The following DCAF8 variants were observed in gnomAD, a reference collection of about 807,000 sequenced individuals.
DCAF8 encodes the protein DDB1- and CUL4-associated factor 8.
DCAF8 carries 20 observed loss-of-function variants against 68.0 expected under a neutral mutation model. The ratio of observed to expected loss-of-function variants is 0.29; its 90% CI spans 0.21 to 0.43. The LOEUF is 0.43. DCAF8 is among the 20% of genes least tolerant of loss of function. The pLI is 1.00. For missense variants in DCAF8, 460 were observed against 771.0 expected (o/e 0.60, Z 4.78); for synonymous variants, 230 against 276.9 (o/e 0.83, Z 1.68).
chr1:160,252,910 C>G (rs373595833), intron 2 of DCAF8, among the ~76,000 whole-genome samples: 1 of 151,848 alleles, frequency 6.6e-6, no homozygotes, highest in Non-Finnish European at 1.5e-5. Context: ...AAATCCAAGC[C>G]GACATGTTAG....
At chr1:160,247,828 A>G (rs1247802114) in intron 2 of DCAF8, among the ~76,000 whole-genome samples, 1 of 152,212 alleles carries the variant, frequency 6.6e-6, no homozygotes, top group Non-Finnish European at 1.5e-5. Context: ...CAATCCATAC[A>G]TTGTACAATA....
chr1:160,217,644 T>C lies in DCAF8; in HGVS notation c.1742A>G (p.Asp581Gly). 5 of 1,614,138 alleles carry C rather than the reference T, an allele frequency of 3.1e-6. No individual in the cohort carries two copies. The highest frequency in any genetic ancestry group is 3.4e-6 in the Non-Finnish European group (4 of 1,180,026). Residue 581 changes from aspartate to glycine, a missense_variant, in exon 14 of 14, where the codon GAC (aspartate) becomes GGC (glycine). By Grantham distance (94) the Asp-to-Gly change is moderately conservative. Coordinates refer to ENST00000368074, the MANE Select transcript of DCAF8 (RefSeq NM_015726.4). ...AGGGCCCTCCTCCTCGTCCGATGTG[T>C]CTGAGGAGCTGGGAGACTCATCAGA... ...ADSDESPSSS[D>G]TSDEEEGPDR... is the part of the protein sequence containing the mutation.
At position 160,218,983 on chromosome 1, in the gene DCAF8, A is replaced by T. The variant is rs747821635; in HGVS notation, c.1441-15T>A. ...AGACAGTTTACCTGGTCAGGAAGAAAGGAAAACACAGACTCAGCAGTGTGT... is the reference window on the plus strand; with the variant it reads ...AGACAGTTTACCTGGTCAGGAAGAATGGAAAACACAGACTCAGCAGTGTGT... On this transcript the variant is annotated splice_polypyrimidine_tract_variant and intron_variant, in intron 11 of 13. Coordinates refer to ENST00000368074, the MANE Select transcript of DCAF8 (RefSeq NM_015726.4). The T allele has an allele frequency of 4.3e-6, 7 of 1,613,812 alleles. No homozygotes were observed. Among genetic ancestry groups the T allele is most frequent in the Admixed American group, 1.7e-5 (1 of 59,942 alleles).
chr1:160,254,191 G>A (rs1656729534), intron 2 of DCAF8, among the ~76,000 whole-genome samples: 1 of 152,002 alleles, frequency 6.6e-6, no homozygotes, highest in Admixed American at 6.5e-5. Flanking sequence ...GTATGGTGGT[G>A]CATGCCTGTA....
intron 2 of DCAF8, among the ~76,000 whole-genome samples, chr1:160,260,493 T>C (rs904895348): frequency 2.6e-5 from 4 of 152,148 alleles, no homozygotes; most frequent in African/African-American, 4.8e-5. Flanking sequence ...CATAAAGATA[T>C]TAGGAATTGG....
rs138332814 is a variant in DCAF8 at position 160,256,573 on chromosome 1, G to A, written c.-27+4712C>T. Among the ~76,000 whole-genome samples the A allele has an allele frequency of 4.1e-4, 61 of 150,202 alleles. No individual in the cohort carries two copies. The East Asian group carries it at 0.011, about 28-fold the overall frequency. On this transcript the variant is annotated intron_variant, in intron 2 of 13. Transcript: ENST00000368074. ...TTTCCAGATGGCTAAGAAAAAGCCA[G>A]GAAGAAAAAAAAAAATGGCACGTGA...
At chr1:160,247,562 T>C (rs1452106107) in intron 2 of DCAF8, among the ~76,000 whole-genome samples, 3 of 152,334 alleles carry the variant, frequency 2.0e-5, no homozygotes, top group East Asian at 3.9e-4. Flanking sequence ...GTCCGGTGTA[T>C]CCTCTTACCC....
At chr1:160,262,087 C>T (rs1657117926) in intron 1 of DCAF8, 2 of 364,446 alleles carry the variant, frequency 5.5e-6, no homozygotes, top group East Asian at 7.9e-5. Context: ...AACTGTGCGG[C>T]TGGCTCTTGG....
At chr1:160,232,635 T>C (rs914555708) in intron 6 of DCAF8, among the ~76,000 whole-genome samples, 9 of 149,384 alleles carry the variant, frequency 6.0e-5, no homozygotes, top group Non-Finnish European at 8.9e-5. Flanking sequence ...AGGGAGACTC[T>C]GTCTCAAAAA....
chr1:160,218,398 G>A lies in DCAF8; in HGVS notation c.1603C>T (p.His535Tyr), dbSNP rs770166441. Residue 535 changes from histidine to tyrosine, a missense_variant, in exon 13 of 14, where the codon CAC (histidine) becomes TAC (tyrosine). His to Tyr is a moderately conservative substitution (Grantham distance 83, BLOSUM62 2). Transcript: ENST00000368074. ...NKRERDEDSL[H>Y]QTDLFDSHML... is the part of the protein sequence containing the mutation. ...TGACTATCAAACAGGTCAGTTTGGTGCAAGCTATCTTCATCCCGCTCCCGC... is the reference window on the plus strand; with the variant it reads ...TGACTATCAAACAGGTCAGTTTGGTACAAGCTATCTTCATCCCGCTCCCGC... The A allele has an allele frequency of 1.9e-6, 3 of 1,614,092 alleles. No individual in the cohort carries two copies. Among genetic ancestry groups the A allele is most frequent in the Non-Finnish European group, 2.5e-6 (3 of 1,180,042 alleles).
At chr1:160,222,600 T>G (rs1489549344) in intron 11 of DCAF8, 51 bp downstream of exon 11, 1 of 1,606,602 alleles carries the variant, frequency 6.2e-7, no homozygotes, top group Non-Finnish European at 8.5e-7. Context: ...AAAACCTACC[T>G]TAATGACTGG....
intron 2 of DCAF8, among the ~76,000 whole-genome samples, chr1:160,256,205 T>A (rs1310193227): frequency 6.6e-6 from 1 of 151,980 alleles, no homozygotes; most frequent in Non-Finnish European, 1.5e-5. Flanking sequence ...TTTAACTAAT[T>A]CCTAGGGAAA....
At chr1:160,247,284 G>A (rs1030981375) in intron 2 of DCAF8, among the ~76,000 whole-genome samples, 3 of 152,176 alleles carry the variant, frequency 2.0e-5, no homozygotes, top group Non-Finnish European at 4.4e-5. Flanking sequence ...ACCCACTGGA[G>A]GGTGAGGAAA....
chr1:160,226,231 T>C (rs1557830593), intron 7 of DCAF8, among the ~76,000 whole-genome samples: 1 of 152,126 alleles, frequency 6.6e-6, no homozygotes, highest in Non-Finnish European at 1.5e-5. Flanking sequence ...CCGAAAAAGG[T>C]TACTCACGGG....
intron 2 of DCAF8, among the ~76,000 whole-genome samples, chr1:160,258,084 C>A (rs552563992): frequency 6.6e-6 from 1 of 152,156 alleles, no homozygotes; most frequent in Non-Finnish European, 1.5e-5. Context: ...CAGTGGCTCA[C>A]GCCTGTAATC....
At chr1:160,244,504 G>C (rs1372835169) in intron 2 of DCAF8, among the ~76,000 whole-genome samples, 4 of 152,080 alleles carry the variant, frequency 2.6e-5, no homozygotes, top group Admixed American at 1.3e-4. Context: ...TAAAGAGGTG[G>C]GTCAGATTCT....
intron 3 of DCAF8, among the ~76,000 whole-genome samples, chr1:160,243,414 T>TG (rs1429669368): frequency 6.6e-6 from 1 of 151,262 alleles, no homozygotes; most frequent in African/African-American, 2.4e-5. Flanking sequence ...ACCTTTTTTT[T>TG]TTTTTTTTTT....
At chr1:160,254,446 T>C (rs1656740938) in intron 2 of DCAF8, among the ~76,000 whole-genome samples, 1 of 152,196 alleles carries the variant, frequency 6.6e-6, no homozygotes, top group South Asian at 2.1e-4. Context: ...CATATGTTTA[T>C]AAGAAATATT....
intron 11 of DCAF8, among the ~76,000 whole-genome samples, chr1:160,221,703 G>A (rs1157445598): frequency 6.6e-6 from 1 of 150,784 alleles, no homozygotes; most frequent in Non-Finnish European, 1.5e-5. Flanking sequence ...TGGATAACCA[G>A]ACTATTCTGG....
Sources: gnomAD v4.1 joint callset for allele counts (sites outside exome capture counted in the v4.1 genomes callset) on GRCh38, gnomAD v4.1.1 for gene constraint, MANE v1.5 for transcripts, NCBI Gene and HGNC (gene_info 2026-07-23, HGNC 2026-07-21) for gene names.